ADAMTS19: variants seen among roughly 807,000 people sequenced by gnomAD.
ADAMTS19 encodes the protein ADAM metallopeptidase with thrombospondin type 1 motif 19, also known as A disintegrin and metalloproteinase with thrombospondin motifs 19.
ADAMTS19 carries 93 observed loss-of-function variants against 153.3 expected under a neutral mutation model. That is an observed-to-expected ratio of 0.61 (90% CI 0.51 to 0.72). The LOEUF (loss-of-function observed/expected upper bound fraction) is 0.72, where lower values mean the gene tolerates loss of function less well. Ranked by LOEUF, ADAMTS19 falls within the 30% of genes least tolerant of loss-of-function variation. The pLI is 0.00. For missense variants in ADAMTS19, 1,482 were observed against 1,552.1 expected (o/e 0.95, Z 0.76); for synonymous variants, 600 against 556.6 (o/e 1.08, Z -1.10).
intron 6 of ADAMTS19, among the ~76,000 whole-genome samples, chr5:129,532,902 A>T (rs573398580): frequency 6.6e-6 from 1 of 152,298 alleles, no homozygotes; most frequent in South Asian, 2.1e-4. Flanking sequence ...CAGGAGTTCA[A>T]TATCAGCCTT....
At chr5:129,609,507 G>A (rs1459633863) in intron 8 of ADAMTS19, among the ~76,000 whole-genome samples, 5 of 152,130 alleles carry the variant, frequency 3.3e-5, no homozygotes, top group Non-Finnish European at 1.5e-5. Context: ...TTCTTGGAGT[G>A]ATTTCATGCC....
At chr5:129,645,885 A>AT (rs529444004) in intron 11 of ADAMTS19, among the ~76,000 whole-genome samples, 5,518 of 97,106 alleles carry the variant, frequency 0.057, 669 homozygotes, top group Non-Finnish European at 0.085. Flanking sequence ...TCCTTTTCCA[A>AT]TTTTTTTTTT....
intron 2 of ADAMTS19, among the ~76,000 whole-genome samples, chr5:129,462,374 G>A (rs10045459): frequency 0.28 from 42,285 of 152,030 alleles, 8,960 homozygotes; most frequent in African/African-American, 0.59. Context: ...ATTAGAATCC[G>A]ATCTGTGTTC....
chr5:129,620,791 A>T, intron 9 of ADAMTS19, 33 bp downstream of exon 9: 1 of 1,605,050 alleles, frequency 6.2e-7, no homozygotes, highest in Non-Finnish European at 8.5e-7. Flanking sequence ...TTGCCTTGTG[A>T]ATGATTATGT....
intron 2 of ADAMTS19, among the ~76,000 whole-genome samples, chr5:129,463,519 G>A (rs115379636): frequency 0.014 from 2,127 of 152,266 alleles, 27 homozygotes; most frequent in Non-Finnish European, 0.023. Context: ...TCTAAACTGG[G>A]AAGTCTTTGT....
chr5:129,714,807 A>G (rs905793141), intron 21 of ADAMTS19, among the ~76,000 whole-genome samples: 5 of 152,342 alleles, frequency 3.3e-5, no homozygotes, highest in Admixed American at 2.0e-4. Flanking sequence ...ATGTTTAACA[A>G]AAGATTTTCC....
chr5:129,582,003 A>G (rs1317309137), intron 7 of ADAMTS19, among the ~76,000 whole-genome samples: 1 of 151,690 alleles, frequency 6.6e-6, no homozygotes, highest in African/African-American at 2.4e-5. Context: ...TTTGCTGAGG[A>G]GTGTTTTATT....
At chr5:129,485,670 C>G (rs1393768139) in intron 2 of ADAMTS19, among the ~76,000 whole-genome samples, 1 of 151,976 alleles carries the variant, frequency 6.6e-6, no homozygotes, top group Non-Finnish European at 1.5e-5. Flanking sequence ...ATTTGAACTC[C>G]TTTATGTTGA....
chr5:129,571,843 A>G (rs573904148), intron 7 of ADAMTS19, among the ~76,000 whole-genome samples: 1 of 151,688 alleles, frequency 6.6e-6, no homozygotes, highest in African/African-American at 2.4e-5. Context: ...AGATTCCAGA[A>G]ATAGATCCAC....
intron 2 of ADAMTS19, among the ~76,000 whole-genome samples, chr5:129,467,846 A>G (rs552549022): frequency 6.6e-6 from 1 of 152,360 alleles, no homozygotes; most frequent in South Asian, 2.1e-4. Flanking sequence ...TTTCCATCCT[A>G]GAGGTAACCA....
Position 129,648,916 on chromosome 5 carries a change from G to A in ADAMTS19, c.2122G>A (p.Val708Ile). Residue 708 changes from valine (V) to isoleucine (I), a missense_variant, in exon 13 of 23, where the codon GTT (valine) becomes ATT (isoleucine). Val to Ile is a conservative substitution (Grantham distance 29). Transcript: ENST00000274487. Reference sequence around the variant, plus strand: ...AGACTGGCAATGTCAGGCTTATAGTGTTAGAACTTCCTCCCCAAAGCATAT... The same window carrying A: ...AGACTGGCAATGTCAGGCTTATAGTATTAGAACTTCCTCCCCAAAGCATAT... Reference protein sequence around the residue: ...FRDWQCQAYSVRTSSPKHILQ... With the variant: ...FRDWQCQAYSIRTSSPKHILQ... 6.2e-7 allele frequency: 1 copy of A among 1,613,226 alleles called. No homozygotes were observed. The highest frequency in any genetic ancestry group is 8.5e-7 in the Non-Finnish European group (1 of 1,179,410).
chr5:129,561,672 CTATTA>C (rs1390230592), intron 7 of ADAMTS19, among the ~76,000 whole-genome samples: 1 of 152,140 alleles, frequency 6.6e-6, no homozygotes, highest in Non-Finnish European at 1.5e-5. Flanking sequence ...CTTTCACACT[CTATTA>C]TATTAATATC....
At chr5:129,532,995 C>T (rs762372462) in intron 6 of ADAMTS19, among the ~76,000 whole-genome samples, 4 of 152,012 alleles carry the variant, frequency 2.6e-5, no homozygotes, top group Admixed American at 6.5e-5. Context: ...CCCGGCTACT[C>T]GGGAGGCTGA....
chr5:129,719,552 T>C (rs1756887215), intron 21 of ADAMTS19, among the ~76,000 whole-genome samples: 3 of 152,082 alleles, frequency 2.0e-5, no homozygotes, highest in African/African-American at 7.2e-5. Context: ...GTGGAAGTCT[T>C]TTCTTTAGCC....
intron 8 of ADAMTS19, among the ~76,000 whole-genome samples, chr5:129,612,873 G>A (rs934368334): frequency 2.0e-5 from 3 of 152,014 alleles, no homozygotes; most frequent in African/African-American, 4.8e-5. Flanking sequence ...AACAAAAAAG[G>A]CAGGGGTTGC....
chr5:129,693,721 G>A (rs1175473949), intron 18 of ADAMTS19, among the ~76,000 whole-genome samples: 1 of 152,132 alleles, frequency 6.6e-6, no homozygotes. Context: ...TTACAGGGCT[G>A]TGTAAGCAAA....
At chr5:129,643,367 C>CAAAAAAAAAAAAAAAAAAAAAAAAA (rs556007087) in intron 11 of ADAMTS19, among the ~76,000 whole-genome samples, 1 of 40,352 alleles carries the variant, frequency 2.5e-5, no homozygotes, top group African/African-American at 7.4e-5. Flanking sequence ...GTTTCAAAGA[C>CAAAAAAAAAAAAAAAAAAAAAAAAA]AAAAAAAAAA....
chr5:129,648,611 T>G (rs1466250345), intron 12 of ADAMTS19, among the ~76,000 whole-genome samples, 187 bp from the exon 13 acceptor site: 1 of 152,164 alleles, frequency 6.6e-6, no homozygotes, highest in Non-Finnish European at 1.5e-5. Context: ...GATCAAGGAT[T>G]AGAAAATATA....
chr5:129,658,338 AAAGAAAG>A (rs1561632331), intron 14 of ADAMTS19, among the ~76,000 whole-genome samples: 3 of 108,568 alleles, frequency 2.8e-5, no homozygotes, highest in Non-Finnish European at 6.2e-5. Context: ...AGAAAGAAAG[AAAGAAAG>A]AAAGAAAGAA....
Sources: allele counts gnomAD v4.1 joint callset (sites outside exome capture counted in the v4.1 genomes callset), GRCh38; gene constraint gnomAD v4.1.1; transcripts MANE v1.5; gene names NCBI Gene and HGNC (gene_info 2026-07-23, HGNC 2026-07-21).